Variants in MECOM observed in about 807,000 individuals in gnomAD.
MECOM encodes the protein histone-lysine N-methyltransferase MECOM.
In MECOM, 13 loss-of-function variants were observed where a neutral mutation model predicts 116.3. The ratio of observed to expected loss-of-function variants is 0.11; its 90% CI spans 0.07 to 0.18. The LOEUF (loss-of-function observed/expected upper bound fraction) is 0.18. MECOM is among the 10% of genes least tolerant of loss of function. The pLI, the probability that MECOM is intolerant of heterozygous loss-of-function variation, is 1.00. For synonymous variants in MECOM, 528 were observed against 535.2 expected (o/e 0.99, Z 0.19); for missense variants, 1,299 against 1,509.0 (o/e 0.86, Z 2.31).
At chr3:169,458,379 A>G (rs1284903324) in intron 1 of MECOM, among the ~76,000 whole-genome samples, 3 of 152,174 alleles carry the variant, frequency 2.0e-5, no homozygotes, top group Admixed American at 2.0e-4. Context: ...TTTTAAAACC[A>G]ACTTTATTCC....
intron 2 of MECOM, among the ~76,000 whole-genome samples, chr3:169,270,188 GATA>G (rs1389775456): frequency 6.6e-6 from 1 of 152,176 alleles, no homozygotes; most frequent in Non-Finnish European, 1.5e-5. Context: ...TCAGAATCTG[GATA>G]ATAAGTGATA....
intron 1 of MECOM, among the ~76,000 whole-genome samples, chr3:169,653,137 G>A (rs1231229183): frequency 6.6e-6 from 1 of 152,130 alleles, no homozygotes; most frequent in African/African-American, 2.4e-5. Context: ...GTCAATTGTG[G>A]ATTTAGTATG....
intron 5 of MECOM, 49 bp downstream of exon 5, chr3:169,127,795 A>G: frequency 6.5e-7 from 1 of 1,541,038 alleles, no homozygotes; most frequent in Middle Eastern, 1.8e-4. Context: ...TCAGCATAAC[A>G]TTGCAGAAAA....
chr3:169,544,742 C>T (rs894268189), intron 1 of MECOM, among the ~76,000 whole-genome samples: 1 of 152,122 alleles, frequency 6.6e-6, no homozygotes, highest in African/African-American at 2.4e-5. Context: ...AAACTGGAAG[C>T]TATCATCTTC....
rs16853416 is a variant in MECOM at position 169,288,973 on chromosome 3, A to G, written c.375+92214T>C. On this transcript the variant is annotated intron_variant, in intron 2 of 16. Transcript: ENST00000651503. ...TTATGAACTTTTTTTATGAAAGACAAAAGGATTCCAGAGAAGAGAGCAATA... is the reference window on the plus strand; with the variant it reads ...TTATGAACTTTTTTTATGAAAGACAGAAGGATTCCAGAGAAGAGAGCAATA... Among the ~76,000 whole-genome samples the G allele has an allele frequency of 9.8e-3, 1,496 of 152,286 alleles. 87 individuals carry two copies. The East Asian group carries it at 0.17, about 18-fold the overall frequency.
At chr3:169,403,319 A>G (rs772552497) in intron 1 of MECOM, among the ~76,000 whole-genome samples, 1 of 152,262 alleles carries the variant, frequency 6.6e-6, no homozygotes, top group Non-Finnish European at 1.5e-5. Context: ...GGGAAAACAG[A>G]CAGAGGGTAG....
intron 2 of MECOM, among the ~76,000 whole-genome samples, chr3:169,247,741 C>T (rs1383078322): frequency 6.6e-6 from 1 of 152,208 alleles, no homozygotes; most frequent in Non-Finnish European, 1.5e-5. Flanking sequence ...ACATGCTTAT[C>T]CCACAATCCC....
At chr3:169,379,040 A>G (rs546177994) in intron 2 of MECOM, among the ~76,000 whole-genome samples, 1 of 152,084 alleles carries the variant, frequency 6.6e-6, no homozygotes, top group Non-Finnish European at 1.5e-5. Context: ...GCTAGAGTTG[A>G]GAAAAAGATG....
chr3:169,633,418 G>C (rs540070713), intron 1 of MECOM, among the ~76,000 whole-genome samples: 1 of 152,128 alleles, frequency 6.6e-6, no homozygotes, highest in African/African-American at 2.4e-5. Flanking sequence ...AGATGTGTGC[G>C]TGTGTGTGTT....
At chr3:169,272,219 A>G (rs1759036440) in intron 2 of MECOM, among the ~76,000 whole-genome samples, 1 of 152,232 alleles carries the variant, frequency 6.6e-6, no homozygotes, top group Non-Finnish European at 1.5e-5. Flanking sequence ...CCTGAGACTC[A>G]TGAAAGTGCC....
chr3:169,366,867 T>C (rs1428466265), intron 2 of MECOM, among the ~76,000 whole-genome samples: 4 of 152,046 alleles, frequency 2.6e-5, no homozygotes, highest in Non-Finnish European at 4.4e-5. Flanking sequence ...CCCATGGGTC[T>C]GTGACATGAA....
Position 169,611,675 on chromosome 3 carries a change from T to A in MECOM, c.37+51661A>T, listed in dbSNP as rs181942781. Reference sequence around the variant, plus strand: ...CCTCAAAATCACTATATATCTTTTTTAAAATATTTTATTTTCCTTAGTTAT... The same window carrying A: ...CCTCAAAATCACTATATATCTTTTTAAAAATATTTTATTTTCCTTAGTTAT... On this transcript the variant is annotated intron_variant, in intron 1 of 16. Transcript: ENST00000651503. The surrounding 1 kb of genome is among the most constrained non-coding windows in gnomAD (Gnocchi z 4.1). 2.4e-3 allele frequency among the ~76,000 whole-genome samples: 359 copies of A among 152,336 alleles called. 2 individuals are homozygous for A. The highest frequency in any genetic ancestry group is 8.1e-3 in the African/African-American group (335 of 41,570).
chr3:169,564,720 A>T (rs370984070), intron 1 of MECOM, among the ~76,000 whole-genome samples: 8 of 152,332 alleles, frequency 5.3e-5, no homozygotes, highest in African/African-American at 7.2e-5. Flanking sequence ...TTTCCTCTGA[A>T]CACTAAAAGG....
chr3:169,099,206 T>C (rs547745207), intron 12 of MECOM, among the ~76,000 whole-genome samples: 20 of 151,478 alleles, frequency 1.3e-4, no homozygotes, highest in Non-Finnish European at 2.2e-4. Context: ...TAAAAAAATA[T>C]ATATGCACAA....
chr3:169,112,716 T>C, intron 9 of MECOM, 71 bp downstream of exon 9: 1 of 1,168,954 alleles, frequency 8.6e-7, no homozygotes, highest in South Asian at 1.3e-5. Flanking sequence ...TGTCTTTCAT[T>C]TCATTGCACC....
At chr3:169,157,187 T>C (rs898517414) in intron 2 of MECOM, among the ~76,000 whole-genome samples, 1 of 152,198 alleles carries the variant, frequency 6.6e-6, no homozygotes, top group African/African-American at 2.4e-5. Context: ...AGGTGTATAC[T>C]AAAGGAAGGA....
At chr3:169,250,096 C>T (rs1221794026) in intron 2 of MECOM, among the ~76,000 whole-genome samples, 1 of 152,152 alleles carries the variant, frequency 6.6e-6, no homozygotes, top group African/African-American at 2.4e-5. Context: ...GGGCTGGCGA[C>T]CTGAAGCCCA....
At chr3:169,458,212 C>A (rs1351719592) in intron 1 of MECOM, among the ~76,000 whole-genome samples, 2 of 152,172 alleles carry the variant, frequency 1.3e-5, no homozygotes, top group Non-Finnish European at 2.9e-5. Context: ...TTTCCACCCC[C>A]GCCTTCAACT....
intron 1 of MECOM, among the ~76,000 whole-genome samples, chr3:169,390,571 TAA>T (rs953218118): frequency 2.0e-5 from 3 of 151,272 alleles, no homozygotes; most frequent in African/African-American, 7.3e-5. Context: ...TTACTTCCTT[TAA>T]AAAAAAAGTG....
Sources: allele counts gnomAD v4.1 joint callset (sites outside exome capture counted in the v4.1 genomes callset), GRCh38; gene constraint gnomAD v4.1.1; non-coding constraint Gnocchi (gnomAD v3.1); transcripts MANE v1.5; gene names NCBI Gene and HGNC (gene_info 2026-07-23, HGNC 2026-07-21).